The following PLSCR2 variants were observed in gnomAD, a reference collection of about 807,000 sequenced individuals.
PLSCR2 encodes the protein PL scramblase 2.
Under a neutral mutation model 25.3 loss-of-function variants are expected in PLSCR2, and 18 were observed. That is an observed-to-expected ratio of 0.71 (90% CI 0.49 to 1.06). The LOEUF (loss-of-function observed/expected upper bound fraction) is 1.06, where lower values mean the gene tolerates loss of function less well. Ranked by LOEUF, PLSCR2 falls within the 50% of genes least tolerant of loss-of-function variation. The pLI is 0.00. For synonymous variants in PLSCR2, 88 were observed against 87.3 expected, an observed-to-expected ratio of 1.01 and a Z score of -0.04; for missense variants, 243 against 269.5, an observed-to-expected ratio of 0.90 and a Z score of 0.69.
intron 2 of PLSCR2, among the ~76,000 whole-genome samples, chr3:146,420,884 C>G (rs1269602224): frequency 6.6e-6 from 1 of 151,956 alleles, no homozygotes; most frequent in Non-Finnish European, 1.5e-5. Flanking sequence ...AAAAAAGATT[C>G]GTAGTTGGTT....
chr3:146,449,317 C>A (rs772712537), exon 6 of PLSCR2: 1 of 1,610,628 alleles, frequency 6.2e-7, no homozygotes, highest in Non-Finnish European at 8.5e-7. Context: ...AAAACCCAGA[C>A]CAGTGCTTAG....
intron 2 of PLSCR2, among the ~76,000 whole-genome samples, chr3:146,412,383 A>G (rs1231299974): frequency 6.6e-6 from 1 of 152,078 alleles, no homozygotes; most frequent in Non-Finnish European, 1.5e-5. Flanking sequence ...TGAAATCTAC[A>G]TGGAAGCTTC....
intron 1 of PLSCR2, among the ~76,000 whole-genome samples, chr3:146,471,283 G>A (rs1305542806): frequency 6.6e-6 from 1 of 152,076 alleles, no homozygotes; most frequent in Non-Finnish European, 1.5e-5. Flanking sequence ...AATAAGTCAT[G>A]GGATTTCTAA....
chr3:146,443,740 T>TATTTCA (rs1321807963), intron 6 of PLSCR2, among the ~76,000 whole-genome samples: 3 of 152,026 alleles, frequency 2.0e-5, no homozygotes, highest in Non-Finnish European at 2.9e-5. Context: ...TGTGTTTTTT[T>TATTTCA]ATTTCAATTT....
intron 2 of PLSCR2, among the ~76,000 whole-genome samples, chr3:146,411,656 G>C (rs955887975): frequency 2.0e-5 from 3 of 152,186 alleles, no homozygotes; most frequent in African/African-American, 7.2e-5. Flanking sequence ...GATGAATTGA[G>C]AGACCATTTA....
chr3:146,423,301 A>T (rs2039226281), intron 2 of PLSCR2, among the ~76,000 whole-genome samples: 1 of 134,762 alleles, frequency 7.4e-6, no homozygotes, highest in Non-Finnish European at 1.6e-5. Context: ...AGATTCTCAC[A>T]AGAAACTTAA....
chr3:146,436,182 A>C (rs1220706978), intron 8 of PLSCR2, among the ~76,000 whole-genome samples: 1 of 152,178 alleles, frequency 6.6e-6, no homozygotes, highest in Non-Finnish European at 1.5e-5. Context: ...GTAGCCTTGT[A>C]GTATAGTTTC....
intron 1 of PLSCR2, 160 bp from the exon 1 acceptor site, chr3:146,469,721 G>T (rs1183983371): frequency 2.9e-5 from 8 of 279,428 alleles, no homozygotes; most frequent in Non-Finnish European, 4.3e-5. Flanking sequence ...CCCTGCGCGG[G>T]CTCAGAGGAT....
At chr3:146,446,703 A>G (rs2040573719) in intron 6 of PLSCR2, among the ~76,000 whole-genome samples, 1 of 152,118 alleles carries the variant, frequency 6.6e-6, no homozygotes, top group Admixed American at 6.5e-5. Context: ...ACTATTGGCA[A>G]GTGTCAAATC....
At chr3:146,414,367 A>G (rs2038948339) in intron 2 of PLSCR2, among the ~76,000 whole-genome samples, 1 of 152,214 alleles carries the variant, frequency 6.6e-6, no homozygotes, top group Non-Finnish European at 1.5e-5. Flanking sequence ...CTCTTCCTTG[A>G]TTCTCTCAAA....
At chr3:146,437,513 G>A (rs1319287333), downstream of PLSCR2, among the ~76,000 whole-genome samples, 1 of 152,152 alleles carries the variant, frequency 6.6e-6, no homozygotes, top group Non-Finnish European at 1.5e-5. Flanking sequence ...GGGTGTATGT[G>A]TCCAGGAATT....
At chr3:146,447,512 TG>T (rs992596811) in intron 6 of PLSCR2, among the ~76,000 whole-genome samples, 1 of 152,102 alleles carries the variant, frequency 6.6e-6, no homozygotes, top group Non-Finnish European at 1.5e-5. Context: ...GGGCCTCGAA[TG>T]GGGGCCTCAG....
At chr3:146,476,181 C>G (rs752485079) in intron 1 of PLSCR2, among the ~76,000 whole-genome samples, 1 of 151,970 alleles carries the variant, frequency 6.6e-6, no homozygotes, top group Non-Finnish European at 1.5e-5. Flanking sequence ...GAATCCTGCA[C>G]TGGGAACCGA....
At chr3:146,429,784 C>A (rs574592295), downstream of PLSCR2, among the ~76,000 whole-genome samples, 3 of 152,128 alleles carry the variant, frequency 2.0e-5, no homozygotes, top group East Asian at 5.8e-4. Flanking sequence ...CGCCACCACA[C>A]CCAGCTAATT....
intron 1 of PLSCR2, among the ~76,000 whole-genome samples, chr3:146,472,277 A>C (rs759816440): frequency 6.6e-6 from 1 of 152,082 alleles, no homozygotes; most frequent in Non-Finnish European, 1.5e-5. Context: ...TGGCTGTGTC[A>C]GTTAGTTTTG....
chr3:146,486,312 A>G (rs543535353), intron 1 of PLSCR2, among the ~76,000 whole-genome samples: 1 of 152,164 alleles, frequency 6.6e-6, no homozygotes, highest in South Asian at 2.1e-4. Context: ...AGAAATAACC[A>G]AGATCAGAGT....
At chr3:146,395,741 A>G (rs2038252954) in intron 3 of PLSCR2, 1 of 163,948 alleles carries the variant, frequency 6.1e-6, no homozygotes, top group South Asian at 1.5e-4. Context: ...TCAGCTAAAT[A>G]GAGTAAAAAT....
At chr3:146,425,238 G>C (rs1004809195) in intron 2 of PLSCR2, among the ~76,000 whole-genome samples, 1 of 152,094 alleles carries the variant, frequency 6.6e-6, no homozygotes, top group East Asian at 1.9e-4. Flanking sequence ...TTGCAAGTAA[G>C]AGGCTGTATC....
At chr3:146,495,563 G>A (rs1334851745) in intron 1 of PLSCR2, among the ~76,000 whole-genome samples, 1 of 151,770 alleles carries the variant, frequency 6.6e-6, no homozygotes, top group African/African-American at 2.4e-5. Context: ...ATAGACCCCA[G>A]AAAGACCCCT....
Sources: allele counts gnomAD v4.1 joint callset (sites outside exome capture counted in the v4.1 genomes callset), GRCh38; gene constraint gnomAD v4.1.1; transcripts MANE v1.5; gene names NCBI Gene and HGNC (gene_info 2026-07-23, HGNC 2026-07-21).